NIBAN1: variants seen among roughly 807,000 people sequenced by gnomAD.
The protein encoded by NIBAN1 is niban apoptosis regulator 1.
Under a neutral mutation model 75.1 loss-of-function variants are expected in NIBAN1, and 81 were observed. That is an observed-to-expected ratio of 1.08 (90% CI 0.90 to 1.30). NIBAN1 has a LOEUF of 1.30. NIBAN1 is among the 50% of genes most tolerant of loss of function. The probability of loss-of-function intolerance (pLI) is 0.00; values close to 1 mark genes in which losing one functional copy is unlikely to be tolerated. For missense variants in NIBAN1, 1,133 were observed against 1,128.1 expected (o/e 1.00, Z -0.06); for synonymous variants, 436 against 424.8 (o/e 1.03, Z -0.32).
intron 1 of NIBAN1, among the ~76,000 whole-genome samples, chr1:184,927,833 C>G (rs1034654820): frequency 6.6e-6 from 1 of 151,970 alleles, no homozygotes; most frequent in Admixed American, 6.6e-5. Flanking sequence ...ACCTGGTGCT[C>G]TATTCTACTG....
intron 1 of NIBAN1, among the ~76,000 whole-genome samples, chr1:184,928,450 T>G (rs1657737822): frequency 6.6e-6 from 1 of 152,192 alleles, no homozygotes; most frequent in African/African-American, 2.4e-5. Flanking sequence ...TGGTCTAGAC[T>G]GCCTTTCAAG....
chr1:184,895,673 T>G (rs1656779810), intron 2 of NIBAN1, among the ~76,000 whole-genome samples: 1 of 152,148 alleles, frequency 6.6e-6, no homozygotes, highest in Admixed American at 6.5e-5. Context: ...TCTTGAGCAT[T>G]GTACCCAATA....
chr1:184,938,652 T>C (rs571405566), intron 1 of NIBAN1, among the ~76,000 whole-genome samples: 1 of 152,346 alleles, frequency 6.6e-6, no homozygotes, highest in African/African-American at 2.4e-5. Flanking sequence ...AATTTATTTT[T>C]AAACACTGTT....
At position 184,794,797 on chromosome 1, in the gene NIBAN1, T is replaced by C. The variant is rs934373927; in HGVS notation, c.*180A>G. ...AAAGCAAAAATTCATCGTAGAACAA[T>C]TCATGTCCACAAAGGTTTGCCTCAG... is the stretch of plus-strand genomic sequence containing the variant. On this transcript the variant is annotated 3_prime_UTR_variant, in exon 14 of 14. Transcript: ENST00000367511. 5 of 750,112 alleles carry C rather than the reference T, an allele frequency of 6.7e-6. No homozygotes were observed. In the African/African-American group the frequency reaches 8.8e-5, roughly 13 times the overall value. 46.5% of individuals were successfully genotyped at this position (750,112 alleles called of 1,614,324 possible). A position where few individuals can be genotyped will look rare whatever the true frequency, so the allele number is the denominator to read the frequency against.
At chr1:184,877,181 GC>G (rs1408452818) in intron 5 of NIBAN1, among the ~76,000 whole-genome samples, 7 of 152,128 alleles carry the variant, frequency 4.6e-5, no homozygotes, top group Non-Finnish European at 1.0e-4. Flanking sequence ...ATAAATTGCA[GC>G]TACAAGCAAT....
chr1:184,897,344 G>A (rs1314859716), intron 2 of NIBAN1, among the ~76,000 whole-genome samples: 1 of 150,952 alleles, frequency 6.6e-6, no homozygotes, highest in African/African-American at 2.4e-5. Context: ...TATTATAAAT[G>A]GGATTGAGTT....
At chr1:184,826,810 G>A (rs2102228648) in intron 6 of NIBAN1, among the ~76,000 whole-genome samples, 1 of 152,070 alleles carries the variant, frequency 6.6e-6, no homozygotes. Flanking sequence ...GGGAATTAAA[G>A]GAAATATGTC....
intron 9 of NIBAN1, among the ~76,000 whole-genome samples, chr1:184,811,523 T>TGTTTTTTTTTTTTA: frequency 1.5e-5 from 2 of 132,052 alleles, no homozygotes. Flanking sequence ...GTTTTTTTTT[T>TGTTTTTTTTTTTTA]TGAGACGGAG....
chr1:184,890,105 C>A lies in NIBAN1; in HGVS notation c.433+3G>T. 2 of 1,608,806 alleles carry A rather than the reference C, an allele frequency of 1.2e-6. No homozygotes were observed. The highest frequency in any genetic ancestry group is 1.7e-6 in the Non-Finnish European group (2 of 1,175,378). On this transcript the variant is annotated splice_donor_region_variant and intron_variant, in intron 4 of 13. Transcript: ENST00000367511. Reference sequence around the variant, plus strand: ...CCTTGGAAAAGAATGATCAGCAACTCACCAAGAGGGTCTGGGAAATGCCTG... The same window carrying A: ...CCTTGGAAAAGAATGATCAGCAACTAACCAAGAGGGTCTGGGAAATGCCTG...
chr1:184,955,749 A>C (rs1045997698), intron 1 of NIBAN1, among the ~76,000 whole-genome samples: 4 of 152,224 alleles, frequency 2.6e-5, no homozygotes, highest in African/African-American at 9.6e-5. Flanking sequence ...GTTGAGGGTG[A>C]TATAAAGGAA....
intron 1 of NIBAN1, among the ~76,000 whole-genome samples, chr1:184,966,144 C>T (rs1658780099): frequency 6.6e-6 from 1 of 152,188 alleles, no homozygotes; most frequent in South Asian, 2.1e-4. Flanking sequence ...CAGGGTAGCC[C>T]TTGCATAGGT....
chr1:184,909,588 G>A (rs979422694), intron 1 of NIBAN1, among the ~76,000 whole-genome samples: 3 of 152,148 alleles, frequency 2.0e-5, no homozygotes, highest in African/African-American at 7.2e-5. Context: ...CAACATTTCT[G>A]TAGCCAGCTA....
chr1:184,884,681 T>A lies in NIBAN1; in HGVS notation c.553A>T (p.Lys185Ter). 6.2e-7 allele frequency: 1 copy of A among 1,614,168 alleles called. No homozygotes were observed. The highest frequency in any genetic ancestry group is 8.5e-7 in the Non-Finnish European group (1 of 1,180,010). The part of the protein sequence containing the change: ...YFCFHEAADQ[K>*]RFSALLSDCV... Reference sequence around the variant, plus strand: ...TCACTCAGGAGGGCACTAAACCTCTTCTGGTCAGCAGCCTCGTGGAAGCAG... The same window carrying A: ...TCACTCAGGAGGGCACTAAACCTCTACTGGTCAGCAGCCTCGTGGAAGCAG... Residue 185 changes from lysine to a stop codon, truncating the protein, a stop_gained, in exon 5 of 14, where the codon AAG becomes TAG. Transcript: ENST00000367511. LOFTEE classifies it high-confidence loss of function.
chr1:184,904,918 C>T (rs1309986852), intron 1 of NIBAN1, among the ~76,000 whole-genome samples: 1 of 144,260 alleles, frequency 6.9e-6, no homozygotes, highest in Non-Finnish European at 1.5e-5. Context: ...ACCACTGCAC[C>T]CTAGGTGACA....
chr1:184,908,422 G>A (rs1179630280), intron 1 of NIBAN1, among the ~76,000 whole-genome samples: 1 of 152,146 alleles, frequency 6.6e-6, no homozygotes, highest in Non-Finnish European at 1.5e-5. Context: ...TAAGAGAAAT[G>A]GGAGAAGATG....
chr1:184,852,582 C>T (rs902485647), intron 5 of NIBAN1, among the ~76,000 whole-genome samples: 6 of 152,176 alleles, frequency 3.9e-5, no homozygotes, highest in African/African-American at 9.7e-5. Context: ...GGCCTAATCT[C>T]TCATTTCAAG....
At chr1:184,929,415 A>G (rs1322528652) in intron 1 of NIBAN1, among the ~76,000 whole-genome samples, 1 of 152,208 alleles carries the variant, frequency 6.6e-6, no homozygotes, top group African/African-American at 2.4e-5. Context: ...TCCTATTCAA[A>G]TGTTCAAGTA....
Position 184,954,089 on chromosome 1 carries a change from C to A in NIBAN1, c.55+20213G>T, listed in dbSNP as rs1181599083. On this transcript the variant is annotated intron_variant, in intron 1 of 13. Transcript: ENST00000367511. ...ACTTTTTAAACATCTAAGCCCTTAT[C>A]TGAAACATTATCTACATACACAACG... 5.3e-5 allele frequency among the ~76,000 whole-genome samples: 8 copies of A among 152,174 alleles called. No homozygotes were observed. In the East Asian group the frequency reaches 1.5e-3, roughly 29 times the overall value.
intron 9 of NIBAN1, among the ~76,000 whole-genome samples, chr1:184,815,729 A>AG (rs1654509876): frequency 6.6e-6 from 1 of 152,230 alleles, no homozygotes; most frequent in Non-Finnish European, 1.5e-5. Context: ...AGTGTAGGTG[A>AG]GAAACTTTAG....
Sources: gnomAD v4.1 joint callset for allele counts (sites outside exome capture counted in the v4.1 genomes callset) on GRCh38, gnomAD v4.1.1 for gene constraint, MANE v1.5 for transcripts, NCBI Gene and HGNC (gene_info 2026-07-23, HGNC 2026-07-21) for gene names.